The following NOP58 variants were observed in gnomAD, a reference collection of about 807,000 sequenced individuals.
The protein encoded by NOP58 is nucleolar protein 58.
A neutral mutation model predicts 71.2 loss-of-function variants in NOP58; 44 were observed. That is an observed-to-expected ratio of 0.62 (90% CI 0.49 to 0.79). The LOEUF is 0.79. NOP58 is among the 30% of genes least tolerant of loss of function. NOP58 has a pLI of 0.00. For missense variants in NOP58, 538 were observed against 620.2 expected, an observed-to-expected ratio of 0.87 and a Z score of 1.41; for synonymous variants, 228 against 200.3, an observed-to-expected ratio of 1.14 and a Z score of -1.17.
intron 2 of NOP58, among the ~76,000 whole-genome samples, chr2:202,277,432 C>T (rs746434233): frequency 1.3e-5 from 2 of 150,906 alleles, no homozygotes; most frequent in Non-Finnish European, 2.9e-5. Context: ...GAGCCGAGAT[C>T]GCACCACTGC....
At position 202,302,980 on chromosome 2, in the gene NOP58, A is replaced by T. The variant is rs758611507; in HGVS notation, c.1462A>T (p.Lys488Ter). ...EEEETSVKKK[K>*]KRGKKKHIKE... Reference sequence around the variant, plus strand: ...AGAAGAAACATCTGTGAAGAAGAAGAAGAAAAGGGGTAAAAAGAAACACAT... The same window carrying T: ...AGAAGAAACATCTGTGAAGAAGAAGTAGAAAAGGGGTAAAAAGAAACACAT... Residue 488 changes from lysine (K) to a stop codon, truncating the protein, a stop_gained, in exon 14 of 15, where the codon AAG (lysine) becomes TAG (stop). Transcript: ENST00000264279. LOFTEE classifies it high-confidence loss of function. The T allele has an allele frequency of 6.2e-7, 1 of 1,612,240 alleles. No homozygotes were observed. The highest frequency in any genetic ancestry group is 1.1e-5 in the South Asian group (1 of 91,064).
At chr2:202,277,828 G>T in intron 2 of NOP58, 122 bp from the exon 3 acceptor site, 1 of 654,040 alleles carries the variant, frequency 1.5e-6, no homozygotes, top group Middle Eastern at 2.5e-4. Context: ...ATACACAATG[G>T]TAGGCATGTT....
chr2:202,285,165 C>T (rs928229627), intron 5 of NOP58, among the ~76,000 whole-genome samples: 7 of 151,844 alleles, frequency 4.6e-5, no homozygotes, highest in Non-Finnish European at 1.0e-4. Flanking sequence ...CCTCAGCCTC[C>T]GAGTAGCTAG....
chr2:202,287,539 T>G, intron 5 of NOP58, 121 bp from the exon 6 acceptor site: 2 of 671,844 alleles, frequency 3.0e-6, no homozygotes, highest in South Asian at 3.8e-5. Context: ...GAAAAACCAA[T>G]TACAGCTCTG....
At chr2:202,281,120 C>CTTTTCT (rs753119499) in intron 3 of NOP58, among the ~76,000 whole-genome samples, 2 of 150,362 alleles carry the variant, frequency 1.3e-5, no homozygotes, top group African/African-American at 2.5e-5. Flanking sequence ...AAGCATTTTT[C>CTTTTCT]TTTTCTTTTT....
At chr2:202,290,220 A>G (rs1350655026) in intron 6 of NOP58, 103 bp from the exon 7 acceptor site, 6 of 887,942 alleles carry the variant, frequency 6.8e-6, no homozygotes, top group Non-Finnish European at 1.0e-5. Context: ...GATTACAGAC[A>G]TGAGCCACCG....
At chr2:202,287,368 A>G (rs1463270708) in intron 5 of NOP58, among the ~76,000 whole-genome samples, 4 of 152,058 alleles carry the variant, frequency 2.6e-5, no homozygotes, top group Non-Finnish European at 5.9e-5. Context: ...GCCCAGTCCA[A>G]TATGACTTTT....
At chr2:202,266,697 G>A (rs1329699702) in intron 1 of NOP58, among the ~76,000 whole-genome samples, 1 of 152,178 alleles carries the variant, frequency 6.6e-6, no homozygotes, top group African/African-American at 2.4e-5. Flanking sequence ...TAGACTCGAG[G>A]AGATAAGAAC....
intron 1 of NOP58, among the ~76,000 whole-genome samples, chr2:202,271,807 C>T (rs935467787): frequency 4.0e-5 from 6 of 151,438 alleles, no homozygotes; most frequent in Non-Finnish European, 7.4e-5. Context: ...AGCTAGATGT[C>T]GCAGTGTGCA....
In NOP58 at chr2:202,282,381, A is replaced by G. The variant is rs1688719765; in HGVS notation, c.206A>G (p.Asn69Ser). The change falls in exon 4 of 15, where the codon AAT (asparagine) becomes AGT (serine). Residue 69 changes from asparagine to serine, a missense_variant. Coordinates refer to ENST00000264279, the MANE Select transcript of NOP58 (RefSeq NM_015934.5). ...ACAGCTCTGATGGAGGGCAAAATCA[A>G]TAAGCAGCTGAAAAAAGTTCTGAAG... is the stretch of plus-strand genomic sequence containing the variant. ...AFTALMEGKI[N>S]KQLKKVLKKI... The G allele has an allele frequency of 8.7e-6, 14 of 1,613,120 alleles. No homozygotes were observed. The highest frequency in any genetic ancestry group is 2.2e-5 in the South Asian group (2 of 90,814).
At chr2:202,285,335 C>T (rs1688769818) in intron 5 of NOP58, among the ~76,000 whole-genome samples, 1 of 150,340 alleles carries the variant, frequency 6.7e-6, no homozygotes, top group Non-Finnish European at 1.5e-5. Context: ...AGCCACCACA[C>T]CCGGCATTTT....
chr2:202,287,712 G>A lies in NOP58; in HGVS notation c.487G>A (p.Val163Ile). The A allele has an allele frequency of 6.2e-7, 1 of 1,611,628 alleles. No homozygotes were observed. Among genetic ancestry groups the A allele is most frequent in the Non-Finnish European group, 8.5e-7 (1 of 1,177,798 alleles). The change falls in exon 6 of 15, where the codon GTT (valine) becomes ATT (isoleucine). Residue 163 changes from valine to isoleucine, a missense_variant. Coordinates refer to ENST00000264279, the MANE Select transcript of NOP58 (RefSeq NM_015934.5). ...FSADKVDTMI[V>I]QAISLLDDLD... The stretch of plus-strand genomic sequence containing the variant: ...CGCTGATAAAGTAGACACAATGATT[G>A]TTCAGGCAATTTGTAAGTATAGTAC...
intron 9 of NOP58, among the ~76,000 whole-genome samples, chr2:202,293,295 T>C (rs116190426): frequency 3.4e-4 from 52 of 152,252 alleles, no homozygotes; most frequent in African/African-American, 1.2e-3. Context: ...AAGAAATCAC[T>C]GTAGAGGATT....
Position 202,265,806 on chromosome 2 carries a change from T to A in NOP58, c.-136T>A, listed in dbSNP as rs1428491842. The stretch of plus-strand genomic sequence containing the variant: ...GGAGGGTTTAGGCAGCGTGTTCTGA[T>A]TCTTTGCGGGACGGCGAGCGCATTT... On this transcript the variant is annotated 5_prime_UTR_variant, in exon 1 of 15. Coordinates refer to ENST00000264279, the MANE Select transcript of NOP58 (RefSeq NM_015934.5). 2.3e-6 allele frequency: 2 copies of A among 879,610 alleles called. No individual in the cohort carries two copies. 54.5% of individuals were successfully genotyped at this position (879,610 alleles called of 1,614,324 possible).
chr2:202,295,610 G>T, intron 9 of NOP58, 64 bp from the exon 10 acceptor site: 1 of 1,176,988 alleles, frequency 8.5e-7, no homozygotes, highest in Admixed American at 2.7e-5. Flanking sequence ...TAGGTCTTTT[G>T]TTTCAGTACG....
intron 1 of NOP58, among the ~76,000 whole-genome samples, chr2:202,271,850 A>T (rs1235260812): frequency 6.6e-6 from 1 of 152,176 alleles, no homozygotes; most frequent in Non-Finnish European, 1.5e-5. Flanking sequence ...AGGCCGAGGC[A>T]GAAGAATCGC....
At chr2:202,290,096 C>CA (rs1688860426) in intron 6 of NOP58, among the ~76,000 whole-genome samples, 1 of 152,052 alleles carries the variant, frequency 6.6e-6, no homozygotes, top group African/African-American at 2.4e-5. Context: ...GCTGGGACTA[C>CA]AGGTGTGCAC....
intron 1 of NOP58, among the ~76,000 whole-genome samples, chr2:202,267,942 C>A (rs17199221): frequency 0.033 from 4,959 of 152,112 alleles, 119 homozygotes; most frequent in Middle Eastern, 0.082. Context: ...TAACCTAGTA[C>A]TAAAGAAATA....
At chr2:202,269,956 G>C (rs1476286094) in intron 1 of NOP58, among the ~76,000 whole-genome samples, 1 of 152,190 alleles carries the variant, frequency 6.6e-6, no homozygotes, top group Non-Finnish European at 1.5e-5. Flanking sequence ...ATATTGTACA[G>C]TGTAGCTGTG....
Sources: gnomAD v4.1 joint callset for allele counts (sites outside exome capture counted in the v4.1 genomes callset) on GRCh38, gnomAD v4.1.1 for gene constraint, MANE v1.5 for transcripts, NCBI Gene and HGNC (gene_info 2026-07-23, HGNC 2026-07-21) for gene names.